The following TRIQK variants were observed in gnomAD, a reference collection of about 807,000 sequenced individuals.
The protein encoded by TRIQK is triple QxxK/R motif-containing protein.
Under a neutral mutation model 10.8 loss-of-function variants are expected in TRIQK, and 10 were observed. That is an observed-to-expected ratio of 0.92 (90% CI 0.57 to 1.57). The LOEUF (loss-of-function observed/expected upper bound fraction) is 1.57. Ranked by LOEUF, TRIQK falls within the 40% of genes most tolerant of loss-of-function variation. The pLI is 0.00. For synonymous variants in TRIQK, 33 were observed against 33.7 expected (o/e 0.98, Z 0.07); for missense variants, 107 against 97.7 (o/e 1.09, Z -0.40).
At chr8:92,891,124 T>C (rs933836849) in intron 4 of TRIQK, among the ~76,000 whole-genome samples, 16 of 151,872 alleles carry the variant, frequency 1.1e-4, no homozygotes, top group African/African-American at 3.6e-4. Flanking sequence ...GTGATCATAA[T>C]AGCAAATTCT....
chr8:93,002,783 G>T (rs116687047), intron 1 of TRIQK, among the ~76,000 whole-genome samples: 1 of 151,948 alleles, frequency 6.6e-6, no homozygotes, highest in African/African-American at 2.4e-5. Context: ...AGCCGGGTGT[G>T]GTAGGGGGAG....
At position 92,916,467 on chromosome 8, in the gene TRIQK, T is replaced by G. The variant is rs374995090; in HGVS notation, c.61+462A>C. 2.0e-5 allele frequency among the ~76,000 whole-genome samples: 3 copies of G among 152,126 alleles called. No homozygotes were observed. In the East Asian group the frequency reaches 5.8e-4, roughly 29 times the overall value. On this transcript the variant is annotated intron_variant, in intron 3 of 4. Coordinates refer to ENST00000521988, the MANE Select transcript of TRIQK (RefSeq NM_001171797.2). Reference sequence around the variant, plus strand: ...TTCACATATGACCTCTGGAGAATTCTCTTTCTTTTTTTCTGAACTCAGGTT... The same window carrying G: ...TTCACATATGACCTCTGGAGAATTCGCTTTCTTTTTTTCTGAACTCAGGTT...
At chr8:92,928,891 AG>A (rs1248373964) in intron 2 of TRIQK, among the ~76,000 whole-genome samples, 1 of 152,246 alleles carries the variant, frequency 6.6e-6, no homozygotes, top group African/African-American at 2.4e-5. Flanking sequence ...TAATAAGATT[AG>A]AAAGACTAGG....
chr8:92,925,579 G>A (rs991795006), intron 2 of TRIQK, among the ~76,000 whole-genome samples: 4 of 152,058 alleles, frequency 2.6e-5, no homozygotes, highest in Admixed American at 2.6e-4. Context: ...AACTTGAACA[G>A]GAACTAGAAA....
chr8:92,894,525 G>T (rs1563612733), intron 3 of TRIQK, among the ~76,000 whole-genome samples: 1 of 151,864 alleles, frequency 6.6e-6, no homozygotes, highest in Non-Finnish European at 1.5e-5. Context: ...TCTGATTTTG[G>T]TTGTATCAGT....
intron 2 of TRIQK, among the ~76,000 whole-genome samples, chr8:92,923,258 CCAGGGAGACAT>C (rs1318825574): frequency 6.6e-6 from 1 of 151,516 alleles, no homozygotes; most frequent in Non-Finnish European, 1.5e-5. Flanking sequence ...CCCAAGAAAT[CCAGGGAGACAT>C]TAGCACATAC....
chr8:92,884,754 CTAGAAA>C lies in TRIQK; in HGVS notation c.*1862_*1867del. The C allele has an allele frequency of 2.3e-6, 1 of 430,686 alleles. No homozygotes were observed. The highest frequency in any genetic ancestry group is 1.6e-5 in the South Asian group (1 of 61,518). 26.7% of individuals were successfully genotyped at this position (430,686 alleles called of 1,614,324 possible). A position where few individuals can be genotyped will look rare whatever the true frequency, so the allele number is the denominator to read the frequency against. On this transcript the variant is annotated 3_prime_UTR_variant, in exon 5 of 5. Coordinates refer to ENST00000521988, the MANE Select transcript of TRIQK (RefSeq NM_001171797.2). ...CTCTCATTTAAATTACCACTGAAAA[CTAGAAA>C]TAATCTTTATTTAATACGACTGTTT...
At chr8:92,932,080 C>A (rs1810756482) in intron 2 of TRIQK, among the ~76,000 whole-genome samples, 1 of 152,180 alleles carries the variant, frequency 6.6e-6, no homozygotes, top group Non-Finnish European at 1.5e-5. Context: ...CCGTCAGCTT[C>A]CAAGTCAGCA....
At chr8:92,918,786 C>T (rs1050172486) in intron 2 of TRIQK, among the ~76,000 whole-genome samples, 2 of 149,678 alleles carry the variant, frequency 1.3e-5, no homozygotes, top group Non-Finnish European at 3.0e-5. Context: ...CCCCCCCCCA[C>T]AATTTTTGCC....
rs1270297257 is a variant in TRIQK, at chr8:92,884,787, A to G, written c.*1835T>C. 1 of 453,152 alleles carries G rather than the reference A, an allele frequency of 2.2e-6. No homozygotes were observed. Among genetic ancestry groups the G allele is most frequent in the Non-Finnish European group, 4.4e-6 (1 of 225,554 alleles). 28.1% of individuals were successfully genotyped at this position (453,152 alleles called of 1,614,324 possible). On this transcript the variant is annotated 3_prime_UTR_variant, in exon 5 of 5. Coordinates refer to ENST00000521988, the MANE Select transcript of TRIQK (RefSeq NM_001171797.2). ...AATCTTTATTTAATACGACTGTTTT[A>G]ACACCATATGGAACGGGAAATAACT... is the stretch of plus-strand genomic sequence containing the variant.
At chr8:92,931,688 T>C (rs550012629) in intron 2 of TRIQK, among the ~76,000 whole-genome samples, 1 of 152,286 alleles carries the variant, frequency 6.6e-6, no homozygotes, top group South Asian at 2.1e-4. Context: ...CAGAGACCTA[T>C]AATAGGATGA....
At position 92,949,171 on chromosome 8, in the gene TRIQK, A is replaced by C. The variant is rs530966965; in HGVS notation, c.-22+5235T>G. Among the ~76,000 whole-genome samples, 338 of 152,310 alleles carry C rather than the reference A, an allele frequency of 2.2e-3. 1 individual carries two copies. The highest frequency in any genetic ancestry group is 7.6e-3 in the African/African-American group (316 of 41,566). On this transcript the variant is annotated intron_variant, in intron 2 of 4. Coordinates refer to ENST00000521988, the MANE Select transcript of TRIQK (RefSeq NM_001171797.2). Reference sequence around the variant, plus strand: ...TGGGAGGCTTCCTGATTAGAGAATTATTCTTTGCTCAATTAAACTTGTTAA... The same window carrying C: ...TGGGAGGCTTCCTGATTAGAGAATTCTTCTTTGCTCAATTAAACTTGTTAA...
At chr8:92,888,043 A>G (rs1053257904) in intron 4 of TRIQK, among the ~76,000 whole-genome samples, 3 of 151,662 alleles carry the variant, frequency 2.0e-5, no homozygotes, top group African/African-American at 7.2e-5. Flanking sequence ...GCATGGCAGC[A>G]TCAGACAGGT....
intron 1 of TRIQK, among the ~76,000 whole-genome samples, chr8:92,982,533 C>G (rs1209505382): frequency 1.3e-5 from 2 of 151,864 alleles, no homozygotes; most frequent in Non-Finnish European, 2.9e-5. Flanking sequence ...AGGGAATGTC[C>G]AGGATGAAGG....
At chr8:92,923,011 C>T (rs1810264459) in intron 2 of TRIQK, among the ~76,000 whole-genome samples, 1 of 151,636 alleles carries the variant, frequency 6.6e-6, no homozygotes, top group African/African-American at 2.4e-5. Flanking sequence ...ACATAAATTA[C>T]TTACATTTTA....
At chr8:93,005,385 A>G (rs1813258298) in intron 1 of TRIQK, among the ~76,000 whole-genome samples, 1 of 152,142 alleles carries the variant, frequency 6.6e-6, no homozygotes, top group Admixed American at 6.5e-5. Context: ...CACCCCCATG[A>G]TCTAATCACC....
intron 2 of TRIQK, among the ~76,000 whole-genome samples, chr8:92,931,720 CCAGAA>C (rs1212982897): frequency 6.6e-6 from 1 of 152,078 alleles, no homozygotes; most frequent in African/African-American, 2.4e-5. Context: ...ACCATCCAAG[CCAGAA>C]CACTTTTGAG....
At chr8:93,005,521 G>A (rs1173000753) in intron 1 of TRIQK, among the ~76,000 whole-genome samples, 2 of 152,156 alleles carry the variant, frequency 1.3e-5, no homozygotes, top group South Asian at 2.1e-4. Context: ...TACACAAATC[G>A]ACGTGTGATA....
At chr8:92,949,785 A>G (rs896964210) in intron 2 of TRIQK, among the ~76,000 whole-genome samples, 3 of 11,944 alleles carry the variant, frequency 2.5e-4, no homozygotes, top group African/African-American at 6.5e-4. Flanking sequence ...AGAAAGAAAA[A>G]GAAAGAAAGA....
Sources: gnomAD v4.1 joint callset for allele counts (sites outside exome capture counted in the v4.1 genomes callset) on GRCh38, gnomAD v4.1.1 for gene constraint, MANE v1.5 for transcripts, NCBI Gene and HGNC (gene_info 2026-07-23, HGNC 2026-07-21) for gene names.